The following CPQ variants were observed in gnomAD, a reference collection of about 807,000 sequenced individuals.
CPQ encodes Ser-Met dipeptidase.
CPQ carries 37 observed loss-of-function variants against 45.7 expected under a neutral mutation model. The observed-to-expected ratio is 0.81, with a 90% CI of 0.62 to 1.07. The LOEUF (loss-of-function observed/expected upper bound fraction) is 1.07, where lower values mean the gene tolerates loss of function less well. Among genes scored for constraint, CPQ ranks in the 50% least tolerant of loss-of-function variants. The pLI is 0.00. For synonymous variants in CPQ, 186 were observed against 205.8 expected (o/e 0.90, Z 0.82); for missense variants, 537 against 572.9 (o/e 0.94, Z 0.64).
rs193300296 is a variant in CPQ at position 96,969,587 on chromosome 8, A to G, written c.961+3541A>G. On this transcript the variant is annotated intron_variant, in intron 5 of 7. Transcript: ENST00000220763. The stretch of plus-strand genomic sequence containing the variant: ...AAGATAAATAGAAATTCCTGAGATG[A>G]ACAGTGCAGAATGAAGTATTCCCAG... Among the ~76,000 whole-genome samples, 153 of 152,304 alleles carry G rather than the reference A, an allele frequency of 1.0e-3. 1 individual carries two copies. Among genetic ancestry groups the G allele is most frequent in the African/African-American group, 3.3e-3 (136 of 41,558 alleles).
intron 6 of CPQ, among the ~76,000 whole-genome samples, chr8:97,041,944 C>A (rs1810133472): frequency 6.6e-6 from 1 of 152,138 alleles, no homozygotes; most frequent in African/African-American, 2.4e-5. Flanking sequence ...GTCTAAAATT[C>A]TCTTTTTTGG....
intron 2 of CPQ, among the ~76,000 whole-genome samples, chr8:96,814,561 G>A (rs1484715272): frequency 6.6e-6 from 1 of 152,148 alleles, no homozygotes; most frequent in African/African-American, 2.4e-5. Context: ...CTGGATGTTT[G>A]CATTTCTCTA....
chr8:96,808,271 A>G (rs925650062), intron 2 of CPQ, among the ~76,000 whole-genome samples: 1 of 152,190 alleles, frequency 6.6e-6, no homozygotes, highest in African/African-American at 2.4e-5. Flanking sequence ...TTAAAGAAAG[A>G]AAAATAAAAT....
intron 7 of CPQ, among the ~76,000 whole-genome samples, chr8:97,121,994 A>C (rs1811711280): frequency 6.6e-6 from 1 of 152,164 alleles, no homozygotes; most frequent in African/African-American, 2.4e-5. Flanking sequence ...GGCTCTTGTA[A>C]AAATAAGAAC....
chr8:97,026,621 AG>A (rs1809803039), intron 5 of CPQ, among the ~76,000 whole-genome samples: 1 of 152,208 alleles, frequency 6.6e-6, no homozygotes. Flanking sequence ...CTTCTTCCTA[AG>A]GCCTTCACTC....
At chr8:97,066,759 G>T (rs924966542) in intron 7 of CPQ, among the ~76,000 whole-genome samples, 6 of 151,926 alleles carry the variant, frequency 3.9e-5, no homozygotes, top group Non-Finnish European at 7.4e-5. Flanking sequence ...CTGTGCAAGA[G>T]GTTGAGCATA....
At chr8:97,032,867 G>A (rs1341472460) in intron 6 of CPQ, among the ~76,000 whole-genome samples, 1 of 152,214 alleles carries the variant, frequency 6.6e-6, no homozygotes, top group Non-Finnish European at 1.5e-5. Context: ...TTTAAATAAT[G>A]TACTAAAAGT....
chr8:97,108,649 C>CG (rs1209862063), intron 7 of CPQ, among the ~76,000 whole-genome samples: 5 of 152,030 alleles, frequency 3.3e-5, no homozygotes, highest in Non-Finnish European at 7.4e-5. Context: ...AGGAAGTCAC[C>CG]GGGGAGGGGA....
intron 1 of CPQ, among the ~76,000 whole-genome samples, chr8:96,649,721 A>G (rs2130702246): frequency 6.6e-6 from 1 of 152,354 alleles, no homozygotes; most frequent in South Asian, 2.1e-4. Context: ...CACACAGTCA[A>G]GACCTTGGCC....
intron 1 of CPQ, among the ~76,000 whole-genome samples, chr8:96,660,431 A>G (rs2130711523): frequency 6.6e-6 from 1 of 152,310 alleles, no homozygotes; most frequent in Non-Finnish European, 1.5e-5. Context: ...CACAGTCCAA[A>G]GCCCTGGGGG....
intron 5 of CPQ, among the ~76,000 whole-genome samples, chr8:96,984,438 G>T (rs943710979): frequency 6.6e-6 from 1 of 152,126 alleles, no homozygotes; most frequent in Admixed American, 6.6e-5. Context: ...TTATAAAAGG[G>T]CTGGAAGGAG....
intron 7 of CPQ, among the ~76,000 whole-genome samples, chr8:97,082,136 T>G (rs1179906648): frequency 6.6e-6 from 1 of 152,172 alleles, no homozygotes; most frequent in African/African-American, 2.4e-5. Context: ...AGAGTTTGAT[T>G]TGGCCTCAGA....
chr8:97,083,231 G>C (rs1297903541), intron 7 of CPQ, among the ~76,000 whole-genome samples: 1 of 152,244 alleles, frequency 6.6e-6, no homozygotes, highest in South Asian at 2.1e-4. Context: ...TCCAAGGGGG[G>C]TGAATAATTT....
At chr8:96,677,672 T>A (rs1231829354) in intron 1 of CPQ, among the ~76,000 whole-genome samples, 1 of 152,150 alleles carries the variant, frequency 6.6e-6, no homozygotes, top group Non-Finnish European at 1.5e-5. Context: ...CTTTTTAGTT[T>A]AATTGGGTCC....
intron 5 of CPQ, among the ~76,000 whole-genome samples, chr8:96,986,044 GA>G (rs1449117497): frequency 2.0e-5 from 3 of 152,146 alleles, no homozygotes; most frequent in Admixed American, 6.5e-5. Flanking sequence ...TAGAAAGCGG[GA>G]AGTCATTCTT....
At chr8:96,818,171 GGA>G (rs1435802979) in intron 2 of CPQ, among the ~76,000 whole-genome samples, 1 of 151,824 alleles carries the variant, frequency 6.6e-6, no homozygotes, top group Non-Finnish European at 1.5e-5. Context: ...CTGAGGAGAG[GGA>G]GAGAGCACCA....
chr8:96,720,932 C>T (rs948786032), intron 1 of CPQ, among the ~76,000 whole-genome samples: 3 of 151,890 alleles, frequency 2.0e-5, no homozygotes, highest in African/African-American at 7.3e-5. Context: ...CTGCTGGATG[C>T]TCCAAAGATT....
chr8:96,661,052 A>C (rs1815695822), intron 1 of CPQ, among the ~76,000 whole-genome samples: 1 of 152,212 alleles, frequency 6.6e-6, no homozygotes, highest in African/African-American at 2.4e-5. Context: ...GTTGCTCTGA[A>C]CATAGTAGAT....
At chr8:96,931,904 C>T (rs1391523382) in intron 4 of CPQ, among the ~76,000 whole-genome samples, 9 of 152,182 alleles carry the variant, frequency 5.9e-5, no homozygotes, top group African/African-American at 1.9e-4. Flanking sequence ...CTTGAATCAT[C>T]ATTACAGATC....
Sources: allele counts gnomAD v4.1 joint callset (sites outside exome capture counted in the v4.1 genomes callset), GRCh38; gene constraint gnomAD v4.1.1; transcripts MANE v1.5; gene names NCBI Gene and HGNC (gene_info 2026-07-23, HGNC 2026-07-21).